WLS: variants seen among roughly 807,000 people sequenced by gnomAD.
The protein encoded by WLS is protein wntless homolog.
Under a neutral mutation model 62.8 loss-of-function variants are expected in WLS, and 23 were observed. The ratio of observed to expected loss-of-function variants is 0.37; its 90% CI spans 0.26 to 0.52. The LOEUF is 0.52. Ranked by LOEUF, WLS falls within the 20% of genes least tolerant of loss-of-function variation. The pLI is 0.92. For missense variants in WLS, 615 were observed against 697.3 expected, an observed-to-expected ratio of 0.88 and a Z score of 1.33; for synonymous variants, 246 against 244.1, an observed-to-expected ratio of 1.01 and a Z score of -0.07.
intron 11 of WLS, among the ~76,000 whole-genome samples, chr1:68,128,314 C>G (rs1347221052): frequency 1.3e-5 from 2 of 152,230 alleles, no homozygotes; most frequent in African/African-American, 4.8e-5. Flanking sequence ...GCTGCAACAT[C>G]TAGTCCACAC....
rs553682568 is a variant in WLS, at chr1:68,173,441, A to G, written c.380-14194T>C. 5.9e-5 allele frequency among the ~76,000 whole-genome samples: 9 copies of G among 152,086 alleles called. No individual in the cohort carries two copies. The South Asian group carries it at 1.7e-3, about 28-fold the overall frequency. On this transcript the variant is annotated intron_variant, in intron 2 of 11. Transcript: ENST00000262348. ...CTCTCTCTCTCTCTCTCTGAATGCA[A>G]TTAGAGAAGACAGCTTCATTCACAC...
chr1:68,140,143 G>A (rs1417057130), intron 10 of WLS, among the ~76,000 whole-genome samples: 1 of 152,180 alleles, frequency 6.6e-6, no homozygotes, highest in Non-Finnish European at 1.5e-5. Flanking sequence ...CTGTGAGGTA[G>A]GTAGGTAATA....
At position 68,145,932 on chromosome 1, in the gene WLS, C is replaced by T; in HGVS notation, c.1215G>A (p.Arg405=). The change falls in exon 9 of 12, where the codon CGG becomes CGA. Residue 405 remains arginine (R), a synonymous_variant. Coordinates refer to ENST00000262348, the MANE Select transcript of WLS (RefSeq NM_024911.7). ...FLCFMVFQVF[R]NISGKQSSLP... ...GGCTGGACTGCTTCCCACTGATGTT[C>T]CGAAACACCTGAAATACCATGAAGC... 6.2e-7 allele frequency: 1 copy of T among 1,614,126 alleles called. No individual in the cohort carries two copies. The highest frequency in any genetic ancestry group is 1.1e-5 in the South Asian group (1 of 91,074).
intron 11 of WLS, among the ~76,000 whole-genome samples, chr1:68,110,692 C>CTCTCTCTCTCTCTCTCTCTCTCA: frequency 7.2e-6 from 1 of 138,454 alleles, no homozygotes; most frequent in African/African-American, 2.9e-5. Context: ...TCTCTCTCTC[C>CTCTCTCTCTCTCTCTCTCTCTCA]ATATATATAT....
intron 2 of WLS, among the ~76,000 whole-genome samples, chr1:68,181,191 T>C (rs1305741375): frequency 6.6e-6 from 1 of 152,200 alleles, no homozygotes; most frequent in East Asian, 1.9e-4. Context: ...AGCTATGTTA[T>C]GACCAGCTGG....
chr1:68,163,170 G>C (rs1570927319), intron 2 of WLS: 1 of 851,152 alleles, frequency 1.2e-6, no homozygotes, highest in African/African-American at 1.7e-5. Context: ...AGGAGTCTCC[G>C]TGCATGACGC....
chr1:68,193,821 A>G, intron 2 of WLS, 134 bp downstream of exon 2: 1 of 1,178,134 alleles, frequency 8.5e-7, no homozygotes, highest in South Asian at 1.6e-5. Flanking sequence ...GTACACAGAA[A>G]GTGCCTGGGA....
intron 11 of WLS, among the ~76,000 whole-genome samples, chr1:68,109,241 T>C (rs1402795157): frequency 6.6e-6 from 1 of 152,242 alleles, no homozygotes; most frequent in East Asian, 1.9e-4. Context: ...CTAAAGTTTC[T>C]ATAGGTGGGT....
At chr1:68,150,146 G>A (rs928701397) in intron 6 of WLS, 42 bp downstream of exon 6, 1 of 1,602,436 alleles carries the variant, frequency 6.2e-7, no homozygotes, top group Admixed American at 1.7e-5. Context: ...AGCCTGCACA[G>A]AGCAGCTGGT....
At chr1:68,150,912 C>T (rs182006631) in intron 5 of WLS, among the ~76,000 whole-genome samples, 3 of 152,330 alleles carry the variant, frequency 2.0e-5, no homozygotes, top group Non-Finnish European at 4.4e-5. Flanking sequence ...TCTTAAGTCA[C>T]TGATTTATTC....
chr1:68,193,444 G>GAAAAAAAAAAAAAAAAAAAAAAA (rs111934768), intron 2 of WLS, among the ~76,000 whole-genome samples: 2 of 35,642 alleles, frequency 5.6e-5, no homozygotes, highest in African/African-American at 7.6e-5. Context: ...AAAAAAAAAC[G>GAAAAAAAAAAAAAAAAAAAAAAA]AAAAAAAAAC....
At chr1:68,119,517 C>T (rs1450356881) in intron 11 of WLS, among the ~76,000 whole-genome samples, 3 of 152,352 alleles carry the variant, frequency 2.0e-5, no homozygotes, top group African/African-American at 7.2e-5. Context: ...CTGGCGGTGG[C>T]CCTCTACCTA....
intron 5 of WLS, among the ~76,000 whole-genome samples, chr1:68,151,465 T>C (rs1208255047): frequency 6.6e-6 from 1 of 152,176 alleles, no homozygotes; most frequent in African/African-American, 2.4e-5. Flanking sequence ...ACTCCTACTA[T>C]GTGTCAGTCA....
At chr1:68,191,964 C>T (rs1648333625) in intron 2 of WLS, among the ~76,000 whole-genome samples, 1 of 152,172 alleles carries the variant, frequency 6.6e-6, no homozygotes, top group South Asian at 2.1e-4. Context: ...GCTGTGAAGC[C>T]TTTTCTTTAA....
chr1:68,130,706 T>G (rs1301866353), intron 11 of WLS, among the ~76,000 whole-genome samples: 1 of 152,164 alleles, frequency 6.6e-6, no homozygotes, highest in Non-Finnish European at 1.5e-5. Context: ...AATATGATTG[T>G]TATGTTAAAG....
downstream of WLS, among the ~76,000 whole-genome samples, chr1:68,120,898 A>G (rs1236258016): frequency 6.6e-6 from 1 of 152,246 alleles, no homozygotes; most frequent in East Asian, 1.9e-4. Flanking sequence ...TTCGAACTGT[A>G]CTTTTTTAAA....
intron 2 of WLS, among the ~76,000 whole-genome samples, chr1:68,180,268 T>C (rs1647477400): frequency 6.6e-6 from 1 of 152,012 alleles, no homozygotes; most frequent in African/African-American, 2.4e-5. Flanking sequence ...CTCTTTTCCA[T>C]GTGACAGCAA....
chr1:68,137,922 G>C lies in WLS; in HGVS notation c.1374C>G (p.Gly458=). The change falls in exon 11 of 12, where the codon GGC becomes GGG. Residue 458 remains glycine (G), a synonymous_variant. Coordinates refer to ENST00000262348, the MANE Select transcript of WLS (RefSeq NM_024911.7). ...CTGTGACGCCGCCCCATTTCCAATGGCCTTCCGTTACCTGCGGAGAAAGGA... is the reference window on the plus strand; with the variant it reads ...CTGTGACGCCGCCCCATTTCCAATGCCCTTCCGTTACCTGCGGAGAAAGGA... ...IFFIVSQVTE[G]HWKWGGVTVQ... is the part of the protein sequence containing the mutation. 1 of 1,613,828 alleles carries C rather than the reference G, an allele frequency of 6.2e-7. No homozygotes were observed. Among genetic ancestry groups the C allele is most frequent in the Non-Finnish European group, 8.5e-7 (1 of 1,179,820 alleles).
At chr1:68,189,733 A>G (rs1195960221) in intron 2 of WLS, among the ~76,000 whole-genome samples, 4 of 152,228 alleles carry the variant, frequency 2.6e-5, no homozygotes, top group Non-Finnish European at 5.9e-5. Context: ...AACTGTTTTA[A>G]TAGTACTTAC....
Sources: gnomAD v4.1 joint callset for allele counts (sites outside exome capture counted in the v4.1 genomes callset) on GRCh38, gnomAD v4.1.1 for gene constraint, MANE v1.5 for transcripts, NCBI Gene and HGNC (gene_info 2026-07-23, HGNC 2026-07-21) for gene names.